HHAT: variants seen among roughly 807,000 people sequenced by gnomAD.
The protein encoded by HHAT is hedgehog acyltransferase.
Under a neutral mutation model 70.8 loss-of-function variants are expected in HHAT, and 47 were observed. The observed-to-expected ratio is 0.66, with a 90% CI of 0.53 to 0.85. The LOEUF (loss-of-function observed/expected upper bound fraction) is 0.85, where lower values mean the gene tolerates loss of function less well. Among genes scored for constraint, HHAT ranks in the 40% least tolerant of loss-of-function variants. The probability of loss-of-function intolerance (pLI) is 0.00; values close to 1 mark genes in which losing one functional copy is unlikely to be tolerated. For synonymous variants in HHAT, 228 were observed against 247.6 expected (o/e 0.92, Z 0.74); for missense variants, 609 against 604.8 (o/e 1.01, Z -0.07).
chr1:210,576,442 G>A (rs775948573), intron 9 of HHAT, among the ~76,000 whole-genome samples: 39 of 147,824 alleles, frequency 2.6e-4, no homozygotes, highest in Non-Finnish European at 4.8e-4. Context: ...GTGTGCGTGT[G>A]CGTGTTAAGA....
At chr1:210,388,514 C>T (rs1049309537) in intron 4 of HHAT, among the ~76,000 whole-genome samples, 1 of 152,040 alleles carries the variant, frequency 6.6e-6, no homozygotes, top group Non-Finnish European at 1.5e-5. Flanking sequence ...GATAGGAAAT[C>T]CCGACAGCAT....
intron 9 of HHAT, among the ~76,000 whole-genome samples, chr1:210,517,766 T>C (rs969901501): frequency 1.1e-4 from 16 of 152,320 alleles, no homozygotes; most frequent in East Asian, 1.9e-4. Context: ...CATTTCACAA[T>C]GTAAAAGTAT....
Position 210,634,480 on chromosome 1 carries a change from A to G in HHAT, c.1390+10810A>G, listed in dbSNP as rs1006492679. On this transcript the variant is annotated intron_variant, in intron 11 of 11. Coordinates refer to ENST00000261458, the MANE Select transcript of HHAT (RefSeq NM_018194.6). ...GCCATTTGTGTTCTGAGGGTTGTCA[A>G]TCATAGAAAATCTGAAAAATACCAG... Among the ~76,000 whole-genome samples the G allele has an allele frequency of 2.0e-5, 3 of 152,352 alleles. No homozygotes were observed. In the East Asian group the frequency reaches 5.8e-4, roughly 29 times the overall value.
chr1:210,478,144 T>C (rs2094333994), intron 8 of HHAT, among the ~76,000 whole-genome samples: 1 of 152,190 alleles, frequency 6.6e-6, no homozygotes, highest in South Asian at 2.1e-4. Flanking sequence ...GACAGATGTA[T>C]TTCCTCCTGA....
At chr1:210,536,979 TTAAAGA>T (rs2095379323) in intron 9 of HHAT, among the ~76,000 whole-genome samples, 1 of 151,892 alleles carries the variant, frequency 6.6e-6, no homozygotes, top group African/African-American at 2.4e-5. Flanking sequence ...GAAACCACTG[TTAAAGA>T]TAAAATGTCA....
intron 4 of HHAT, among the ~76,000 whole-genome samples, chr1:210,397,387 G>T (rs561494760): frequency 6.6e-6 from 1 of 151,970 alleles, no homozygotes; most frequent in Non-Finnish European, 1.5e-5. Context: ...TAAATGAATT[G>T]GGCTATTTTG....
rs2093806832 is a variant in HHAT, at chr1:210,453,884, A to G, written c.857-10621A>G. 2.0e-5 allele frequency among the ~76,000 whole-genome samples: 3 copies of G among 152,196 alleles called. No individual in the cohort carries two copies. In the South Asian group the frequency reaches 6.2e-4, roughly 32 times the overall value. ...TTAGTTTGTTTTCACACAGCTGATA[A>G]AGACATACCCGAAACTGGCAATAAA... On this transcript the variant is annotated intron_variant, in intron 7 of 11. Transcript: ENST00000261458.
intron 9 of HHAT, among the ~76,000 whole-genome samples, chr1:210,567,034 A>G (rs1654927201): frequency 6.6e-6 from 1 of 152,212 alleles, no homozygotes; most frequent in African/African-American, 2.4e-5. Context: ...TGCTTGCTCC[A>G]GCTCCTGCAC....
At chr1:210,540,826 T>C (rs929229503) in intron 9 of HHAT, among the ~76,000 whole-genome samples, 2 of 152,048 alleles carry the variant, frequency 1.3e-5, no homozygotes, top group Admixed American at 6.6e-5. Flanking sequence ...TATATTTAAA[T>C]AAAGTATTGC....
At chr1:210,568,989 T>C (rs1655449517) in intron 9 of HHAT, among the ~76,000 whole-genome samples, 1 of 152,030 alleles carries the variant, frequency 6.6e-6, no homozygotes, top group South Asian at 2.1e-4. Flanking sequence ...CAGAATTAAA[T>C]TGAGTTAGAG....
At chr1:210,628,820 G>A (rs886518819) in intron 11 of HHAT, among the ~76,000 whole-genome samples, 1 of 152,162 alleles carries the variant, frequency 6.6e-6, no homozygotes, top group South Asian at 2.1e-4. Flanking sequence ...TAGAGATTCT[G>A]GAGGGTTGTT....
intron 9 of HHAT, among the ~76,000 whole-genome samples, chr1:210,560,814 T>TAAAAAAAAAAAAAAA (rs60192211): frequency 7.0e-5 from 2 of 28,514 alleles, no homozygotes; most frequent in Non-Finnish European, 9.5e-5. Context: ...CCCTGTGTCT[T>TAAAAAAAAAAAAAAA]AAAAAAAAAA....
chr1:210,348,736 CGTGTGT>C (rs71303046), intron 1 of HHAT, among the ~76,000 whole-genome samples, 191 bp from the exon 2 acceptor site: 13 of 148,034 alleles, frequency 8.8e-5, no homozygotes, highest in African/African-American at 1.5e-4. Flanking sequence ...TGTATGTGTG[CGTGTGT>C]GTGTGTGTGT....
At chr1:210,666,715 C>T (rs1294479010) in intron 11 of HHAT, among the ~76,000 whole-genome samples, 1 of 152,078 alleles carries the variant, frequency 6.6e-6, no homozygotes, top group Non-Finnish European at 1.5e-5. Flanking sequence ...AACTCCTGGC[C>T]TCAAGTGATT....
At chr1:210,404,382 C>T (rs2092235072) in intron 5 of HHAT, 82 bp from the exon 6 acceptor site, 2 of 1,054,890 alleles carry the variant, frequency 1.9e-6, no homozygotes, top group East Asian at 2.4e-5. Flanking sequence ...TGACGGTGGC[C>T]CTGCTGGCCA....
At position 210,640,692 on chromosome 1, in the gene HHAT, C is replaced by T. The variant is rs1303009786; in HGVS notation, c.1390+17022C>T. ...CCCCCACTGCCCCCCACACACGCAC[C>T]CCTTTAGGCTAATGTTAGCCAGCTT... On this transcript the variant is annotated intron_variant, in intron 11 of 11. Transcript: ENST00000261458. 2.6e-5 allele frequency among the ~76,000 whole-genome samples: 4 copies of T among 151,634 alleles called. No homozygotes were observed. The East Asian group carries it at 7.7e-4, about 29-fold the overall frequency.
At chr1:210,412,350 C>CA (rs1420705860) in intron 6 of HHAT, among the ~76,000 whole-genome samples, 1 of 152,120 alleles carries the variant, frequency 6.6e-6, no homozygotes, top group Non-Finnish European at 1.5e-5. Flanking sequence ...TAACTTGTTC[C>CA]AGCACCAACT....
At chr1:210,585,822 G>A (rs1182994506) in intron 9 of HHAT, among the ~76,000 whole-genome samples, 1 of 152,186 alleles carries the variant, frequency 6.6e-6, no homozygotes, top group African/African-American at 2.4e-5. Context: ...TTGGGAAATA[G>A]GAGGATTCTG....
chr1:210,585,767 A>G (rs993095216), intron 9 of HHAT, among the ~76,000 whole-genome samples: 5 of 152,184 alleles, frequency 3.3e-5, no homozygotes, highest in Non-Finnish European at 5.9e-5. Context: ...GGATATAGCC[A>G]AGGAGCAAGG....
Sources: allele counts gnomAD v4.1 joint callset (sites outside exome capture counted in the v4.1 genomes callset), GRCh38; gene constraint gnomAD v4.1.1; transcripts MANE v1.5; gene names NCBI Gene and HGNC (gene_info 2026-07-23, HGNC 2026-07-21).